The following CFAP45 variants were observed in gnomAD, a reference collection of about 807,000 sequenced individuals.
CFAP45 encodes cilia- and flagella-associated protein 45.
A neutral mutation model predicts 75.6 loss-of-function variants in CFAP45; 43 were observed. The observed-to-expected ratio is 0.57, with a 90% CI of 0.45 to 0.73. The LOEUF (loss-of-function observed/expected upper bound fraction) is 0.73, where lower values mean the gene tolerates loss of function less well. CFAP45 is among the 30% of genes least tolerant of loss of function. The probability of loss-of-function intolerance (pLI) is 0.00; values close to 1 mark genes in which losing one functional copy is unlikely to be tolerated. For synonymous variants in CFAP45, 223 were observed against 244.6 expected, an observed-to-expected ratio of 0.91 and a Z score of 0.82; for missense variants, 689 against 701.5, an observed-to-expected ratio of 0.98 and a Z score of 0.20.
At chr1:159,894,384 C>A (rs1360272839) in intron 1 of CFAP45, among the ~76,000 whole-genome samples, 2 of 152,218 alleles carry the variant, frequency 1.3e-5, no homozygotes, top group Non-Finnish European at 2.9e-5. Flanking sequence ...TGCTTCAAGT[C>A]TTTCTCACAA....
intron 8 of CFAP45, 122 bp from the exon 9 acceptor site, chr1:159,877,584 G>A: frequency 1.3e-6 from 1 of 759,894 alleles, no homozygotes; most frequent in Non-Finnish European, 2.4e-6. Context: ...TTTTAAAATA[G>A]GACAAAATAA....
rs1649745134 is a variant in CFAP45, at chr1:159,888,401, T to G, written c.368A>C (p.Glu123Ala). ...KWASHVLTRE[E>A]LEARDQAFKK... ...GAAGGCCTGGTCCCTGGCCTCAAGT[T>G]CTTCTCTGGTCAGGACATGGGATGC... Residue 123 changes from glutamate (E) to alanine (A), a missense_variant, in exon 4 of 12, where the codon GAA (glutamate) becomes GCA (alanine). Coordinates refer to ENST00000368099, the MANE Select transcript of CFAP45 (RefSeq NM_012337.3). 2.5e-6 allele frequency: 4 copies of G among 1,612,086 alleles called. No homozygotes were observed. The highest frequency in any genetic ancestry group is 3.4e-6 in the Non-Finnish European group (4 of 1,178,636).
intron 7 of CFAP45, among the ~76,000 whole-genome samples, chr1:159,881,353 T>C (rs986780076): frequency 5.3e-5 from 8 of 152,354 alleles, no homozygotes; most frequent in African/African-American, 1.9e-4. Context: ...TCTCTGGAAA[T>C]CTTGCTTGAT....
chr1:159,872,402 C>T lies in CFAP45; in HGVS notation c.*83G>A. ...GATTTAATCTGTAACTATGAAATGT[C>T]TAGGTTAGCAGCAATTATGGATGCC... On this transcript the variant is annotated 3_prime_UTR_variant, in exon 12 of 12. Coordinates refer to ENST00000368099, the MANE Select transcript of CFAP45 (RefSeq NM_012337.3). 1 of 1,049,788 alleles carries T rather than the reference C, an allele frequency of 9.5e-7. No individual in the cohort carries two copies. The highest frequency in any genetic ancestry group is 2.4e-5 in the East Asian group (1 of 42,122). The allele number at this position is 1,049,788 out of a possible 1,614,324, so 65.0% of individuals were successfully genotyped here.
chr1:159,881,307 T>C (rs550856763), intron 7 of CFAP45, among the ~76,000 whole-genome samples: 1 of 152,344 alleles, frequency 6.6e-6, no homozygotes, highest in South Asian at 2.1e-4. Context: ...AGCTAAAATT[T>C]TGAAACCTGT....
In CFAP45 at chr1:159,876,695, T is replaced by G; in HGVS notation, c.1213A>C (p.Lys405Gln). Reference protein sequence around the residue: ...QEVADREWRRKEKENARKKME... With the variant: ...QEVADREWRRQEKENARKKME... ...TTCTTCCGCGCATTTTCCTTTTCCTTTCTGCGCCACTCTCTGTCTGCAACC... is the reference window on the plus strand; with the variant it reads ...TTCTTCCGCGCATTTTCCTTTTCCTGTCTGCGCCACTCTCTGTCTGCAACC... The change falls in exon 10 of 12, where the codon AAG becomes CAG. Residue 405 changes from lysine (K) to glutamine (Q), a missense_variant. Physicochemically the swap from Lys to Gln is moderately conservative, Grantham distance 53 (BLOSUM62 1). Coordinates refer to ENST00000368099, the MANE Select transcript of CFAP45 (RefSeq NM_012337.3). 1 of 1,614,210 alleles carries G rather than the reference T, an allele frequency of 6.2e-7. No individual in the cohort carries two copies. Among genetic ancestry groups the G allele is most frequent in the Non-Finnish European group, 8.5e-7 (1 of 1,180,028 alleles).
At chr1:159,875,232 T>C (rs770398554) in intron 10 of CFAP45, among the ~76,000 whole-genome samples, 4 of 152,230 alleles carry the variant, frequency 2.6e-5, no homozygotes, top group Non-Finnish European at 5.9e-5. Flanking sequence ...TATTTATTAG[T>C]GCCTGTTAAC....
intron 6 of CFAP45, among the ~76,000 whole-genome samples, 170 bp downstream of exon 6, chr1:159,886,340 TA>T (rs11303028): frequency 0.11 from 15,564 of 141,132 alleles, 1,041 homozygotes; most frequent in African/African-American, 0.2. Context: ...AGACTCCCTC[TA>T]AAAAAAAAAA....
chr1:159,898,725 TG>T (rs1463918689), intron 1 of CFAP45, among the ~76,000 whole-genome samples: 2 of 152,180 alleles, frequency 1.3e-5, no homozygotes, highest in Non-Finnish European at 1.5e-5. Context: ...ATTTACCATA[TG>T]CCCTTAGACA....
At chr1:159,890,757 C>CAT in intron 2 of CFAP45, 135 bp from the exon 3 acceptor site, 1 of 318,476 alleles carries the variant, frequency 3.1e-6, no homozygotes, top group Non-Finnish European at 5.4e-6. Flanking sequence ...CTTTTCTTTT[C>CAT]TTTTTTTTTT....
chr1:159,888,810 T>C (rs1447497954), intron 3 of CFAP45, among the ~76,000 whole-genome samples: 3 of 136,254 alleles, frequency 2.2e-5, no homozygotes, highest in Non-Finnish European at 4.7e-5. Flanking sequence ...CAAGGACCAA[T>C]AGATCACCTC....
intron 8 of CFAP45, among the ~76,000 whole-genome samples, chr1:159,877,846 C>G (rs1158953840): frequency 6.7e-6 from 1 of 149,418 alleles, no homozygotes; most frequent in Non-Finnish European, 1.5e-5. Flanking sequence ...TACTGCATTC[C>G]CCTGGGCAAC....
chr1:159,899,233 A>ATC (rs1476523059), intron 1 of CFAP45, among the ~76,000 whole-genome samples: 1 of 151,926 alleles, frequency 6.6e-6, no homozygotes, highest in Non-Finnish European at 1.5e-5. Flanking sequence ...TCCTGTCCCA[A>ATC]TCTCTCTCCC....
chr1:159,873,330 A>G, intron 10 of CFAP45, 162 bp from the exon 11 acceptor site: 1 of 629,008 alleles, frequency 1.6e-6, no homozygotes, highest in East Asian at 2.7e-5. Flanking sequence ...TCAGCCCCCA[A>G]AAGCTGCTGC....
At chr1:159,875,302 C>T (rs1649372752) in intron 10 of CFAP45, among the ~76,000 whole-genome samples, 1 of 152,204 alleles carries the variant, frequency 6.6e-6, no homozygotes, top group Admixed American at 6.5e-5. Flanking sequence ...ATCTGGAAGG[C>T]AGTCTGTAGC....
At chr1:159,881,221 C>T (rs751586305) in intron 7 of CFAP45, among the ~76,000 whole-genome samples, 1 of 152,230 alleles carries the variant, frequency 6.6e-6, no homozygotes, top group African/African-American at 2.4e-5. Flanking sequence ...CTTGTTATCT[C>T]TCTTGCTCCA....
In CFAP45 at chr1:159,888,459, T is replaced by C. The variant is rs748348361; in HGVS notation, c.310A>G (p.Ile104Val). 2 of 1,603,566 alleles carry C rather than the reference T, an allele frequency of 1.2e-6. No individual in the cohort carries two copies. The highest frequency in any genetic ancestry group is 8.5e-7 in the Non-Finnish European group (1 of 1,171,866). Residue 104 changes from isoleucine to valine, a missense_variant, in exon 4 of 12, where the codon ATC becomes GTC. Transcript: ENST00000368099. ...TEDPSGESLIISPEEFERIKW... is the reference protein window; with the variant it reads ...TEDPSGESLIVSPEEFERIKW... ...ATTCGCTCAAACTCCTCAGGGCTGA[T>C]GATTAGGGACTCCCCGGAGGGATCC...
In CFAP45 at chr1:159,884,547, C is replaced by T. The variant is rs566322359; in HGVS notation, c.786G>A (p.Val262=). The T allele has an allele frequency of 2.3e-5, 37 of 1,613,610 alleles. No homozygotes were observed. Among genetic ancestry groups the T allele is most frequent in the Admixed American group, 5.0e-5 (3 of 59,958 alleles). ...EERIRGRRQI[V]EQMEKNQEER... is the part of the protein sequence containing the mutation. ...CCTCCTGGTTCTTTTCCATCTGTTCCACAATTTGCCGCCTTCCTCTTGGAG... is the reference window on the plus strand; with the variant it reads ...CCTCCTGGTTCTTTTCCATCTGTTCTACAATTTGCCGCCTTCCTCTTGGAG... Residue 262 remains valine, a synonymous_variant, in exon 7 of 12, where the codon GTG becomes GTA. Transcript: ENST00000368099.
chr1:159,880,763 C>A lies in CFAP45; in HGVS notation c.898-63G>T. On this transcript the variant is annotated intron_variant, in intron 7 of 11. Transcript: ENST00000368099. ...GGTAAGACAAGAAGCCACTGGCATC[C>A]AGGGATAGAGAGATGCAGACAGAGG... 1.4e-5 allele frequency: 22 copies of A among 1,537,002 alleles called. No individual in the cohort carries two copies. The South Asian group carries it at 2.3e-4, about 16-fold the overall frequency.
Sources: allele counts gnomAD v4.1 joint callset (sites outside exome capture counted in the v4.1 genomes callset), GRCh38; gene constraint gnomAD v4.1.1; transcripts MANE v1.5; gene names NCBI Gene and HGNC (gene_info 2026-07-23, HGNC 2026-07-21).